The following ACOT7 variants were observed in gnomAD, a reference collection of about 807,000 sequenced individuals.
ACOT7 encodes cytosolic acyl coenzyme A thioester hydrolase.
In ACOT7, 12 loss-of-function variants were observed where a neutral mutation model predicts 40.2. The observed-to-expected ratio is 0.30, with a 90% confidence interval of 0.19 to 0.48. The LOEUF is 0.48. Among genes scored for constraint, ACOT7 ranks in the 20% least tolerant of loss-of-function variants. The pLI is 0.99. For synonymous variants in ACOT7, 228 were observed against 219.5 expected, an observed-to-expected ratio of 1.04 and a Z score of -0.34; for missense variants, 395 against 530.8, an observed-to-expected ratio of 0.74 and a Z score of 2.51.
chr1:6,357,558 T>A (rs1354728452), intron 1 of ACOT7, among the ~76,000 whole-genome samples: 1 of 152,208 alleles, frequency 6.6e-6, no homozygotes, highest in Non-Finnish European at 1.5e-5. Flanking sequence ...GTCATAGGGC[T>A]GCAGATGCCA....
intron 1 of ACOT7, among the ~76,000 whole-genome samples, chr1:6,365,193 C>A (rs990369477): frequency 3.9e-5 from 6 of 152,114 alleles, no homozygotes; most frequent in African/African-American, 1.4e-4. Flanking sequence ...TCAGAGGTTG[C>A]CTGGGGGCAG....
chr1:6,334,680 C>T (rs1641051650), intron 3 of ACOT7, among the ~76,000 whole-genome samples: 1 of 152,226 alleles, frequency 6.6e-6, no homozygotes, highest in African/African-American at 2.4e-5. Context: ...AGTGGGGCTG[C>T]AGGACAGGGA....
At position 6,278,403 on chromosome 1, in the gene ACOT7, G is replaced by A. The variant is rs375512870; in HGVS notation, c.1014+2699C>T. Among the ~76,000 whole-genome samples the A allele has an allele frequency of 3.9e-5, 6 of 152,278 alleles. No homozygotes were observed. The highest frequency in any genetic ancestry group is 1.4e-4 in the African/African-American group (6 of 41,542). Reference sequence around the variant, plus strand: ...AGAGGAAGGAGCAGCTGAGGACTGAGCAGGGGCCCCATGGGGACGGGGCAG... The same window carrying A: ...AGAGGAAGGAGCAGCTGAGGACTGAACAGGGGCCCCATGGGGACGGGGCAG... On this transcript the variant is annotated intron_variant, in intron 8 of 8. Coordinates refer to ENST00000361521, the MANE Select transcript of ACOT7 (RefSeq NM_007274.4). This position sits in a 1 kb window ranked among gnomAD's most constrained non-coding sequence, Gnocchi z 4.1.
intron 8 of ACOT7, among the ~76,000 whole-genome samples, chr1:6,279,433 C>A (rs1460073284): frequency 6.6e-6 from 1 of 152,184 alleles, no homozygotes; most frequent in African/African-American, 2.4e-5. Flanking sequence ...GGGTACTTTG[C>A]CACAGAAGAG....
In ACOT7 at chr1:6,289,096, T is replaced by C. The variant is rs1361345251; in HGVS notation, c.829+5768A>G. Among the ~76,000 whole-genome samples the C allele has an allele frequency of 6.6e-6, 1 of 152,078 alleles. No individual in the cohort carries two copies. The highest frequency in any genetic ancestry group is 1.5e-5 in the Non-Finnish European group (1 of 68,010). On this transcript the variant is annotated intron_variant, in intron 7 of 8. Coordinates refer to ENST00000361521, the MANE Select transcript of ACOT7 (RefSeq NM_007274.4). This position sits in a 1 kb window ranked among gnomAD's most constrained non-coding sequence, Gnocchi z 4.6. Reference sequence around the variant, plus strand: ...ATTCCGCATTCCCACTGTTTTCTGGTTATTTTATTTTATTTTTTTTTGAGA... The same window carrying C: ...ATTCCGCATTCCCACTGTTTTCTGGCTATTTTATTTTATTTTTTTTTGAGA...
At position 6,393,411 on chromosome 1, in the gene ACOT7, G is replaced by A. The variant is rs755786077; in HGVS notation, c.-12C>T. 4.9e-6 allele frequency: 6 copies of A among 1,227,044 alleles called. No homozygotes were observed. The highest frequency in any genetic ancestry group is 3.0e-4 in the Middle Eastern group (1 of 3,320). 76.0% of individuals were successfully genotyped at this position (1,227,044 alleles called of 1,614,324 possible). ...CCGGGCCGCGCCATAAAGGGGGAGG[G>A]CAGAGGTGGAGCGATGGGGCTGGTG... On this transcript the variant is annotated 5_prime_UTR_variant, in exon 1 of 9. Coordinates refer to ENST00000361521, the MANE Select transcript of ACOT7 (RefSeq NM_007274.4).
intron 8 of ACOT7, among the ~76,000 whole-genome samples, chr1:6,276,410 C>A (rs1454579625): frequency 1.3e-5 from 2 of 152,116 alleles, no homozygotes; most frequent in African/African-American, 4.8e-5. Flanking sequence ...CTGAGTTGGC[C>A]TCTTCTAATA....
At chr1:6,327,869 G>A (rs896181312) in intron 4 of ACOT7, among the ~76,000 whole-genome samples, 1 of 152,140 alleles carries the variant, frequency 6.6e-6, no homozygotes, top group African/African-American at 2.4e-5. Context: ...TGCCTCCCGG[G>A]TTCAAGTGAT....
intron 6 of ACOT7, among the ~76,000 whole-genome samples, chr1:6,302,420 G>A (rs750816403): frequency 2.6e-5 from 4 of 152,090 alleles, no homozygotes; most frequent in Admixed American, 6.5e-5. Flanking sequence ...TTGCGACAGC[G>A]AAGGCTCCCA....
chr1:6,298,165 C>G (rs1639865170), intron 6 of ACOT7, among the ~76,000 whole-genome samples: 1 of 152,146 alleles, frequency 6.6e-6, no homozygotes. Flanking sequence ...GAAAGAGTCT[C>G]TCTCTGTCAC....
At position 6,354,459 on chromosome 1, in the gene ACOT7, C is replaced by T. The variant is rs187077235; in HGVS notation, c.144-4593G>A. Among the ~76,000 whole-genome samples, 554 of 152,348 alleles carry T rather than the reference C, an allele frequency of 3.6e-3. 3 individuals are homozygous for T. The highest frequency in any genetic ancestry group is 0.013 in the African/African-American group (532 of 41,570). On this transcript the variant is annotated intron_variant, in intron 1 of 8. Coordinates refer to ENST00000361521, the MANE Select transcript of ACOT7 (RefSeq NM_007274.4). ...CATGGCCCAAAAGGGGGTGAAGAAG[C>T]GATGTCCTGAGACAGGGACGCAGCT...
intron 6 of ACOT7, among the ~76,000 whole-genome samples, chr1:6,303,502 C>T (rs1175569427): frequency 7.9e-5 from 12 of 151,950 alleles, no homozygotes; most frequent in African/African-American, 2.2e-4. Flanking sequence ...AGGCCTTGCT[C>T]GTGACTGGGT....
intron 2 of ACOT7, among the ~76,000 whole-genome samples, chr1:6,348,214 A>T (rs742504): frequency 6.6e-6 from 1 of 151,954 alleles, no homozygotes; most frequent in African/African-American, 2.4e-5. Flanking sequence ...TAAACCAGGC[A>T]CTGCCAGCAA....
rs137960673 is a variant in ACOT7 at position 6,283,315 on chromosome 1, C to T, written c.830-2029G>A. Among the ~76,000 whole-genome samples the T allele has an allele frequency of 4.8e-3, 725 of 152,328 alleles. 4 individuals carry two copies. Among genetic ancestry groups the T allele is most frequent in the African/African-American group, 0.017 (700 of 41,550 alleles). On this transcript the variant is annotated intron_variant, in intron 7 of 8. Transcript: ENST00000361521. The stretch of plus-strand genomic sequence containing the variant: ...TAGCTGGGATTACAGGCGTGCACCA[C>T]CATGCACGGCTGATTTTTGTATCTT...
intron 2 of ACOT7, 70 bp downstream of exon 2, chr1:6,349,679 G>A: frequency 2.1e-6 from 3 of 1,462,986 alleles, no homozygotes; most frequent in South Asian, 1.2e-5. Context: ...TGGCTCCCCG[G>A]GGAACTCCTG....
At chr1:6,349,463 C>T (rs1400776115) in intron 2 of ACOT7, among the ~76,000 whole-genome samples, 2 of 152,232 alleles carry the variant, frequency 1.3e-5, no homozygotes, top group Non-Finnish European at 1.5e-5. Flanking sequence ...TGATCAGGGC[C>T]AGGTTGGCGG....
In ACOT7 at chr1:6,290,904, C is replaced by A. The variant is rs551503563; in HGVS notation, c.829+3960G>T. 1.5e-4 allele frequency among the ~76,000 whole-genome samples: 23 copies of A among 152,326 alleles called. No homozygotes were observed. The South Asian group carries it at 4.6e-3, about 30-fold the overall frequency. Reference sequence around the variant, plus strand: ...GACTGCTCTTCTCAAAAGTGGGGGGCCCCTGGGGGACTGCTGGGGTCACTC... The same window carrying A: ...GACTGCTCTTCTCAAAAGTGGGGGGACCCTGGGGGACTGCTGGGGTCACTC... On this transcript the variant is annotated intron_variant, in intron 7 of 8. Transcript: ENST00000361521.
At chr1:6,360,181 G>A (rs1641856013) in intron 1 of ACOT7, among the ~76,000 whole-genome samples, 2 of 152,214 alleles carry the variant, frequency 1.3e-5, no homozygotes, top group South Asian at 4.1e-4. Flanking sequence ...GTCCCACAGG[G>A]AGGCTGGTGC....
At position 6,358,809 on chromosome 1, in the gene ACOT7, C is replaced by CCCA; in HGVS notation, c.144-8946_144-8944dup. 1 of 1,612,854 alleles carries CCCA rather than the reference C, an allele frequency of 6.2e-7. No individual in the cohort carries two copies. Among genetic ancestry groups the CCCA allele is most frequent in the Non-Finnish European group, 8.5e-7 (1 of 1,178,830 alleles). ...GTGGCCCCTGCACGGCCTAGACATG[C>CCCA]CCATGACTGGCAGTACCTGCTCAGC... On this transcript the variant is annotated intron_variant, in intron 1 of 8. Coordinates refer to ENST00000361521, the MANE Select transcript of ACOT7 (RefSeq NM_007274.4). This position sits in a 1 kb window ranked among gnomAD's most constrained non-coding sequence, Gnocchi z 4.1.
Sources: gnomAD v4.1 joint callset for allele counts (sites outside exome capture counted in the v4.1 genomes callset) on GRCh38, gnomAD v4.1.1 for gene constraint, Gnocchi (gnomAD v3.1) non-coding constraint, MANE v1.5 for transcripts, NCBI Gene and HGNC (gene_info 2026-07-23, HGNC 2026-07-21) for gene names.